PLEKHA6: variants seen among roughly 807,000 people sequenced by gnomAD.
PLEKHA6 encodes the protein pleckstrin homology domain containing A6.
Under a neutral mutation model 116.7 loss-of-function variants are expected in PLEKHA6, and 60 were observed. The observed-to-expected ratio is 0.51, with a 90% CI of 0.42 to 0.64. PLEKHA6 has a LOEUF of 0.64. PLEKHA6 is among the 30% of genes least tolerant of loss of function. The pLI is 0.00. For missense variants in PLEKHA6, 1,338 were observed against 1,422.7 expected, an observed-to-expected ratio of 0.94 and a Z score of 0.96; for synonymous variants, 489 against 556.1, an observed-to-expected ratio of 0.88 and a Z score of 1.70.
chr1:204,259,836 T>A lies in PLEKHA6; in HGVS notation c.525-96A>T. On this transcript the variant is annotated intron_variant, in intron 7 of 22. Transcript: ENST00000272203. The surrounding 1 kb of genome is among the most constrained non-coding windows in gnomAD (Gnocchi z 4.6). ...TGGGAAGAAGAGGAGTGGGGAAGGATGGGCAGGGAGGTGGCTGGAACCAGG... is the reference window on the plus strand; with the variant it reads ...TGGGAAGAAGAGGAGTGGGGAAGGAAGGGCAGGGAGGTGGCTGGAACCAGG... 1 of 1,350,036 alleles carries A rather than the reference T, an allele frequency of 7.4e-7. No individual in the cohort carries two copies. The highest frequency in any genetic ancestry group is 1.5e-5 in the African/African-American group (1 of 68,652). The allele number at this position is 1,350,036 out of a possible 1,614,324, so 83.6% of individuals were successfully genotyped here.
intron 15 of PLEKHA6, among the ~76,000 whole-genome samples, chr1:204,242,071 C>T (rs191515827): frequency 5.7e-4 from 87 of 152,268 alleles, no homozygotes; most frequent in African/African-American, 1.9e-3. Flanking sequence ...CTCAACCTGA[C>T]CATTTGTCTT....
chr1:204,296,846 C>T (rs897884036), intron 1 of PLEKHA6, among the ~76,000 whole-genome samples: 1 of 152,222 alleles, frequency 6.6e-6, no homozygotes, highest in Non-Finnish European at 1.5e-5. Context: ...CCCTCCTTCT[C>T]CTTCCAGCCT....
At chr1:204,366,809 T>C (rs1477579873) in intron 3 of PLEKHA6, among the ~76,000 whole-genome samples, 1 of 152,138 alleles carries the variant, frequency 6.6e-6, no homozygotes, top group Non-Finnish European at 1.5e-5. Context: ...AGGTGGTAGA[T>C]GGTGGCAGAT....
chr1:204,251,756 T>A (rs1664596286), intron 9 of PLEKHA6: 2 of 585,604 alleles, frequency 3.4e-6, no homozygotes, highest in East Asian at 5.9e-5. Context: ...TGCTCACCCC[T>A]AGTGACCTCT....
intron 1 of PLEKHA6, among the ~76,000 whole-genome samples, chr1:204,290,606 G>T (rs1374506077): frequency 6.6e-6 from 1 of 152,110 alleles, no homozygotes; most frequent in African/African-American, 2.4e-5. Flanking sequence ...CTTTGCATTT[G>T]GCAAAGATGT....
At chr1:204,231,928 T>G (rs1053865751) in intron 17 of PLEKHA6, among the ~76,000 whole-genome samples, 1 of 152,148 alleles carries the variant, frequency 6.6e-6, no homozygotes, top group South Asian at 2.1e-4. Context: ...TTCCCCTGAA[T>G]ATTTGTGATC....
chr1:204,328,683 G>A (rs986648850), intron 1 of PLEKHA6, among the ~76,000 whole-genome samples: 2 of 152,166 alleles, frequency 1.3e-5, no homozygotes, highest in African/African-American at 4.8e-5. Flanking sequence ...ACTGTGCCCG[G>A]CCTCACAGTC....
intron 9 of PLEKHA6, among the ~76,000 whole-genome samples, chr1:204,251,780 C>T (rs1476212067): frequency 6.6e-6 from 1 of 152,240 alleles, no homozygotes; most frequent in Non-Finnish European, 1.5e-5. Context: ...TCAGGACCAG[C>T]ACTGAAGCTG....
chr1:204,377,691 C>T (rs1212259026), upstream of PLEKHA6: 2 of 152,336 alleles, frequency 1.3e-5, no homozygotes, highest in Admixed American at 6.5e-5. Flanking sequence ...GCCCCTCTCG[C>T]TCTCTGCGCC....
At chr1:204,319,550 T>G (rs1473856958) in intron 1 of PLEKHA6, among the ~76,000 whole-genome samples, 1 of 152,172 alleles carries the variant, frequency 6.6e-6, no homozygotes, top group Non-Finnish European at 1.5e-5. Context: ...CTAGTCCCCA[T>G]ACATCCCCTG....
intron 1 of PLEKHA6, among the ~76,000 whole-genome samples, chr1:204,286,440 G>C (rs1036623983): frequency 1.3e-5 from 2 of 152,156 alleles, no homozygotes; most frequent in African/African-American, 4.8e-5. Flanking sequence ...GAGGAGGAAA[G>C]GGAAAGGGAT....
chr1:204,223,330 G>T lies in PLEKHA6; in HGVS notation c.*8+132C>A. ...ATGGATGGATGAATGGATGGATAGT[G>T]GGGAGGAGCAGCACAGGGCACTGGG... is the stretch of plus-strand genomic sequence containing the variant. On this transcript the variant is annotated intron_variant, in intron 22 of 22. Coordinates refer to ENST00000272203, the MANE Select transcript of PLEKHA6 (RefSeq NM_014935.5). The surrounding 1 kb of genome is among the most constrained non-coding windows in gnomAD (Gnocchi z 4.8). 1 of 667,778 alleles carries T rather than the reference G, an allele frequency of 1.5e-6. No individual in the cohort carries two copies. Among genetic ancestry groups the T allele is most frequent in the Admixed American group, 2.2e-5 (1 of 45,506 alleles). 41.4% of individuals were successfully genotyped at this position (667,778 alleles called of 1,614,324 possible). A position where few individuals can be genotyped will look rare whatever the true frequency, so the allele number is the denominator to read the frequency against.
At chr1:204,366,579 G>A (rs1673650814) in intron 3 of PLEKHA6, among the ~76,000 whole-genome samples, 1 of 152,014 alleles carries the variant, frequency 6.6e-6, no homozygotes, top group African/African-American at 2.4e-5. Context: ...TGGCCAACAT[G>A]ACAAAACCCC....
rs1659857048 is a variant in PLEKHA6 at position 204,223,204 on chromosome 1, CTGCTT to C, written c.*8+253_*8+257del. Among the ~76,000 whole-genome samples, 1 of 152,128 alleles carries C rather than the reference CTGCTT, an allele frequency of 6.6e-6. No individual in the cohort carries two copies. The highest frequency in any genetic ancestry group is 2.4e-5 in the African/African-American group (1 of 41,432). On this transcript the variant is annotated intron_variant, in intron 22 of 22. Transcript: ENST00000272203. This position sits in a 1 kb window ranked among gnomAD's most constrained non-coding sequence, Gnocchi z 4.8. ...GTGAGGTCTCGGCTCCATTCCCTGCCTGCTTCTGGAGAAGCAAAGGCCATTGGCAT... is the reference window on the plus strand; with the variant it reads ...GTGAGGTCTCGGCTCCATTCCCTGCCCTGGAGAAGCAAAGGCCATTGGCAT...
chr1:204,331,893 G>A (rs1393343487), intron 1 of PLEKHA6, among the ~76,000 whole-genome samples: 3 of 139,626 alleles, frequency 2.1e-5, no homozygotes, highest in Non-Finnish European at 4.6e-5. Flanking sequence ...CCCATGCCCC[G>A]AGAGGCCCCA....
At chr1:204,312,177 C>T (rs775832544) in intron 1 of PLEKHA6, among the ~76,000 whole-genome samples, 8 of 152,218 alleles carry the variant, frequency 5.3e-5, no homozygotes, top group Non-Finnish European at 7.3e-5. Flanking sequence ...AGCTTCAAAA[C>T]CCAGTCTTTT....
chr1:204,268,793 C>T (rs1012820363), intron 3 of PLEKHA6, among the ~76,000 whole-genome samples: 6 of 152,130 alleles, frequency 3.9e-5, no homozygotes, highest in Admixed American at 1.3e-4. Context: ...TGTGTTGCCA[C>T]GTGGACCCTG....
intron 1 of PLEKHA6, chr1:204,278,017 T>C (rs1211613199): frequency 1.3e-5 from 2 of 152,216 alleles, no homozygotes; most frequent in African/African-American, 4.8e-5. Flanking sequence ...GCTGAAAATC[T>C]TCCCAGACAC....
rs756666294 is a variant in PLEKHA6, at chr1:204,257,319, G to A, written c.1524+34C>T. On this transcript the variant is annotated intron_variant, in intron 9 of 22. Transcript: ENST00000272203. This position sits in a 1 kb window ranked among gnomAD's most constrained non-coding sequence, Gnocchi z 6.5. ...GGTCTTAGGCTTCTGGGGACCTCAGGGGATGAGGAAGGAAGGGCAGGCTGG... is the reference window on the plus strand; with the variant it reads ...GGTCTTAGGCTTCTGGGGACCTCAGAGGATGAGGAAGGAAGGGCAGGCTGG... The A allele has an allele frequency of 3.9e-6, 6 of 1,545,698 alleles. No homozygotes were observed. The South Asian group carries it at 6.0e-5, about 15-fold the overall frequency.
Sources: allele counts gnomAD v4.1 joint callset (sites outside exome capture counted in the v4.1 genomes callset), GRCh38; gene constraint gnomAD v4.1.1; non-coding constraint Gnocchi (gnomAD v3.1); transcripts MANE v1.5; gene names NCBI Gene and HGNC (gene_info 2026-07-23, HGNC 2026-07-21).